Variants in MEP1A observed in about 807,000 individuals in gnomAD.
MEP1A encodes N-benzoyl-L-tyrosyl-P-amino-benzoic acid hydrolase subunit alpha.
A neutral mutation model predicts 84.5 loss-of-function variants in MEP1A; 68 were observed. The ratio of observed to expected loss-of-function variants is 0.80; its 90% CI spans 0.66 to 0.98. MEP1A has a LOEUF of 0.98. Among genes scored for constraint, MEP1A ranks in the 50% least tolerant of loss-of-function variants. The pLI is 0.00. For missense variants in MEP1A, 887 were observed against 919.9 expected (o/e 0.96, Z 0.46); for synonymous variants, 337 against 336.8 (o/e 1.00, Z -0.01).
intron 6 of MEP1A, among the ~76,000 whole-genome samples, chr6:46,813,903 T>G (rs1162601908): frequency 1.3e-5 from 2 of 152,222 alleles, no homozygotes; most frequent in Non-Finnish European, 2.9e-5. Context: ...CTTGTAGGGT[T>G]TCTGCTGAGA....
intron 6 of MEP1A, among the ~76,000 whole-genome samples, chr6:46,811,203 C>T (rs972128422): frequency 6.6e-6 from 1 of 151,856 alleles, no homozygotes; most frequent in Admixed American, 6.6e-5. Flanking sequence ...AGGTATATTC[C>T]TAAGTATTTT....
At chr6:46,807,775 GAA>G (rs397835290) in intron 5 of MEP1A, among the ~76,000 whole-genome samples, 5,541 of 43,940 alleles carry the variant, frequency 0.13, 136 homozygotes, top group Non-Finnish European at 0.15. Flanking sequence ...AGAAAGGAAA[GAA>G]AGAAAGAAAG....
intron 6 of MEP1A, among the ~76,000 whole-genome samples, chr6:46,811,701 A>G (rs1334631230): frequency 6.6e-6 from 1 of 152,000 alleles, no homozygotes; most frequent in Admixed American, 6.6e-5. Context: ...GACTTTGCCA[A>G]ATGCTTTTTC....
intron 10 of MEP1A, among the ~76,000 whole-genome samples, chr6:46,832,176 C>T (rs984588877): frequency 1.3e-5 from 2 of 152,206 alleles, no homozygotes; most frequent in African/African-American, 4.8e-5. Flanking sequence ...GCCAACATGA[C>T]TTCCACTTGG....
chr6:46,819,923 G>A (rs778667578), intron 7 of MEP1A, among the ~76,000 whole-genome samples: 4 of 152,106 alleles, frequency 2.6e-5, no homozygotes, highest in Non-Finnish European at 5.9e-5. Context: ...TCACTGTGGG[G>A]GTCAACTGAA....
chr6:46,800,029 A>G (rs1162041566), intron 5 of MEP1A, among the ~76,000 whole-genome samples: 1 of 152,226 alleles, frequency 6.6e-6, no homozygotes, highest in East Asian at 1.9e-4. Flanking sequence ...TGCTGCCTCG[A>G]ATCCCTGTTT....
chr6:46,801,413 A>G (rs1581664162), intron 5 of MEP1A, among the ~76,000 whole-genome samples: 1 of 152,022 alleles, frequency 6.6e-6, no homozygotes, highest in Non-Finnish European at 1.5e-5. Flanking sequence ...CTATTTTTGT[A>G]TCTTCTTTTA....
chr6:46,794,921 C>T (rs1021353135), intron 3 of MEP1A, among the ~76,000 whole-genome samples: 2 of 152,202 alleles, frequency 1.3e-5, no homozygotes, highest in Non-Finnish European at 2.9e-5. Flanking sequence ...ACCACCACCT[C>T]TGATCCTTGA....
the MEP1A span, among the ~76,000 whole-genome samples, chr6:46,845,225 T>C: frequency 6.6e-6 from 1 of 152,200 alleles, no homozygotes; most frequent in East Asian, 1.9e-4. Flanking sequence ...ATGTTGCATG[T>C]GATCTTCTGG....
intron 11 of MEP1A, among the ~76,000 whole-genome samples, chr6:46,834,210 A>G (rs1324686890): frequency 6.6e-6 from 1 of 150,966 alleles, no homozygotes; most frequent in Non-Finnish European, 1.5e-5. Flanking sequence ...GGCGTGAGCC[A>G]CCACGCCTGG....
At chr6:46,832,033 G>A (rs1011015200) in intron 10 of MEP1A, among the ~76,000 whole-genome samples, 4 of 148,246 alleles carry the variant, frequency 2.7e-5, no homozygotes, top group Non-Finnish European at 5.9e-5. Context: ...TGTACTTAGA[G>A]AGAATGGCCT....
At chr6:46,841,704 CT>C (rs1161392774), downstream of MEP1A, among the ~76,000 whole-genome samples, 8 of 152,340 alleles carry the variant, frequency 5.3e-5, no homozygotes, top group South Asian at 1.0e-3. Context: ...CATCTGCATC[CT>C]TTCCTTCTGT....
At chr6:46,799,563 C>T (rs2050581813) in intron 5 of MEP1A, among the ~76,000 whole-genome samples, 1 of 152,066 alleles carries the variant, frequency 6.6e-6, no homozygotes, top group Non-Finnish European at 1.5e-5. Flanking sequence ...TTCTCTTTTT[C>T]TTACAAGAGA....
At chr6:46,797,796 T>TTCTTTC (rs1562102546) in intron 3 of MEP1A, among the ~76,000 whole-genome samples, 1 of 13,198 alleles carries the variant, frequency 7.6e-5, no homozygotes, top group Non-Finnish European at 1.4e-4. Flanking sequence ...TTCTTTCTCT[T>TTCTTTC]TCTTTCTTTC....
rs116830024 is a variant in MEP1A, at chr6:46,809,407, C to T, written c.263-13C>T. 732 of 1,526,976 alleles carry T rather than the reference C, an allele frequency of 4.8e-4. 3 individuals are homozygous for T. In the African/African-American group the frequency reaches 9.2e-3, roughly 19 times the overall value. 94.6% of individuals were successfully genotyped at this position (1,526,976 alleles called of 1,614,324 possible). A position where few individuals can be genotyped will look rare whatever the true frequency, so the allele number is the denominator to read the frequency against. On this transcript the variant is annotated splice_polypyrimidine_tract_variant and intron_variant, in intron 5 of 13. Coordinates refer to ENST00000230588, the MANE Select transcript of MEP1A (RefSeq NM_005588.3). ...CAAATAATGCTCATTGATATTTTTA[C>T]TGATTTCTGCAGGGCTGAATGCTAA...
intron 5 of MEP1A, among the ~76,000 whole-genome samples, chr6:46,809,088 C>T (rs1767429130): frequency 6.6e-6 from 1 of 152,042 alleles, no homozygotes; most frequent in African/African-American, 2.4e-5. Context: ...CTCTAAATCT[C>T]TGCTTCAGTG....
Position 46,825,272 on chromosome 6 carries a change from G to A in MEP1A, c.557G>A (p.Gly186Asp), listed in dbSNP as rs1261199414. ...GACCTGTGGATTCTCTCCCTAACAG[G>A]TTACCAGCACAACTTTGACACCTAT... ...VNIWWDQILS[G>D]YQHNFDTYDD... The change falls in exon 8 of 14, where the codon GGT becomes GAT. Residue 186 changes from glycine (G) to aspartate (D), a missense_variant and splice_region_variant. Coordinates refer to ENST00000230588, the MANE Select transcript of MEP1A (RefSeq NM_005588.3). 2 of 1,606,736 alleles carry A rather than the reference G, an allele frequency of 1.2e-6. No individual in the cohort carries two copies. The highest frequency in any genetic ancestry group is 1.7e-6 in the Non-Finnish European group (2 of 1,174,984).
downstream of MEP1A, among the ~76,000 whole-genome samples, chr6:46,842,845 T>C (rs1343457607): frequency 6.6e-6 from 1 of 152,176 alleles, no homozygotes; most frequent in Non-Finnish European, 1.5e-5. Context: ...AATTCCTCTT[T>C]GTACTCTTTC....
In MEP1A at chr6:46,834,614, G is replaced by C. The variant is rs1335622253; in HGVS notation, c.1646G>C (p.Arg549Thr). The change falls in exon 12 of 14, where the codon AGG (arginine) becomes ACG (threonine). Residue 549 changes from arginine (R) to threonine (T), a missense_variant. Physicochemically the swap from Arg to Thr is moderately conservative, Grantham distance 71. Coordinates refer to ENST00000230588, the MANE Select transcript of MEP1A (RefSeq NM_005588.3). ...NDTVIWDRPSRVGTYHTDCNC... is the reference protein window; with the variant it reads ...NDTVIWDRPSTVGTYHTDCNC... ...ACTGTCATCTGGGACAGGCCGTCCAGGGTGGGAACCTATCATACGGACTGT... is the reference window on the plus strand; with the variant it reads ...ACTGTCATCTGGGACAGGCCGTCCACGGTGGGAACCTATCATACGGACTGT... The C allele has an allele frequency of 1.4e-5, 23 of 1,611,314 alleles. No individual in the cohort carries two copies. The highest frequency in any genetic ancestry group is 2.0e-5 in the Non-Finnish European group (23 of 1,179,474).
Sources: allele counts gnomAD v4.1 joint callset (sites outside exome capture counted in the v4.1 genomes callset), GRCh38; gene constraint gnomAD v4.1.1; transcripts MANE v1.5; gene names NCBI Gene and HGNC (gene_info 2026-07-23, HGNC 2026-07-21).